ARHGAP8: variants seen among roughly 807,000 people sequenced by gnomAD.
ARHGAP8 encodes rho GTPase-activating protein 8.
ARHGAP8 carries 62 observed loss-of-function variants against 46.1 expected under a neutral mutation model. That is an observed-to-expected ratio of 1.34 (90% CI 1.10 to 1.66). ARHGAP8 has a LOEUF of 1.66. Ranked by LOEUF, ARHGAP8 falls within the 40% of genes most tolerant of loss-of-function variation. The probability of loss-of-function intolerance (pLI) is 0.00; values close to 1 mark genes in which losing one functional copy is unlikely to be tolerated. For missense variants in ARHGAP8, 923 were observed against 568.4 expected (o/e 1.62, Z -6.34); for synonymous variants, 375 against 243.1 (o/e 1.54, Z -5.05).
At chr22:44,765,853 T>G (rs1396661075) in intron 1 of ARHGAP8, 2 of 152,410 alleles carry the variant, frequency 1.3e-5, no homozygotes, top group Admixed American at 6.5e-5. Flanking sequence ...GTTTCTTTTC[T>G]CACTTTTCCA....
intron 1 of ARHGAP8, among the ~76,000 whole-genome samples, chr22:44,758,605 G>A (rs1376188709): frequency 6.6e-6 from 1 of 151,648 alleles, no homozygotes. Context: ...AGGGCTGTGC[G>A]TTCCAGGTAG....
chr22:44,852,078 C>G (rs2070107816), intron 10 of ARHGAP8, among the ~76,000 whole-genome samples: 1 of 150,268 alleles, frequency 6.7e-6, no homozygotes, highest in Non-Finnish European at 1.5e-5. Context: ...GTAATCCTAG[C>G]TACTCAGGAG....
chr22:44,845,979 G>C (rs975000636), intron 8 of ARHGAP8, among the ~76,000 whole-genome samples: 1 of 151,748 alleles, frequency 6.6e-6, no homozygotes, highest in Non-Finnish European at 1.5e-5. Context: ...GTGCTGCAGC[G>C]CAGATGCGTG....
At chr22:44,856,423 G>A (rs867206905) in intron 10 of ARHGAP8, among the ~76,000 whole-genome samples, 93 of 151,872 alleles carry the variant, frequency 6.1e-4, no homozygotes, top group Non-Finnish European at 2.1e-4. Flanking sequence ...ACAGGCACCC[G>A]CCACCACGCC....
At position 44,764,168 on chromosome 22, in the gene ARHGAP8, AAGAGTC is replaced by A. The variant is rs1410201643; in HGVS notation, c.-72+11552_-72+11557del. ...TTGCAGAGTTGTAAAACAACTCCCGAAGAGTCAGAGTCAGAGAACCTGGAGGAGCGT... is the reference window on the plus strand; with the variant it reads ...TTGCAGAGTTGTAAAACAACTCCCGAAGAGTCAGAGAACCTGGAGGAGCGT... On this transcript the variant is annotated intron_variant, in intron 1 of 11. Coordinates refer to ENST00000356099, the MANE Select transcript of ARHGAP8 (RefSeq NM_181335.3). 3.9e-5 allele frequency among the ~76,000 whole-genome samples: 6 copies of A among 152,244 alleles called. No homozygotes were observed. The East Asian group carries it at 1.2e-3, about 30-fold the overall frequency.
rs920346319 is a variant in ARHGAP8, at chr22:44,844,914, T to C, written c.597-355T>C. Among the ~76,000 whole-genome samples the C allele has an allele frequency of 2.6e-5, 4 of 152,178 alleles. No homozygotes were observed. The East Asian group carries it at 7.7e-4, about 29-fold the overall frequency. ...CAAGCCATCTCATACCACTGGGACT[T>C]CCCAGTATGGCTTCCCTGTCTAGAA... On this transcript the variant is annotated intron_variant, in intron 7 of 11. Coordinates refer to ENST00000356099, the MANE Select transcript of ARHGAP8 (RefSeq NM_181335.3).
At chr22:44,824,675 C>T (rs947222248) in intron 6 of ARHGAP8, among the ~76,000 whole-genome samples, 3 of 148,802 alleles carry the variant, frequency 2.0e-5, no homozygotes, top group Non-Finnish European at 3.0e-5. Context: ...CTCTATCGCC[C>T]AGGCTGGAGT....
chr22:44,861,933 G>C (rs1008549538), intron 11 of ARHGAP8, among the ~76,000 whole-genome samples: 1 of 152,154 alleles, frequency 6.6e-6, no homozygotes, highest in African/African-American at 2.4e-5. Context: ...CGAGGCCAGA[G>C]AGGTCACCAA....
rs952019559 is a variant in ARHGAP8, at chr22:44,862,157, C to A, written c.982-118C>A. On this transcript the variant is annotated intron_variant, in intron 11 of 11. Coordinates refer to ENST00000356099, the MANE Select transcript of ARHGAP8 (RefSeq NM_181335.3). Reference sequence around the variant, plus strand: ...CAGGGTCCCCATTACTGGCTGCCGGCTCCCAGTCCAGTGCTCCTCTCACTA... The same window carrying A: ...CAGGGTCCCCATTACTGGCTGCCGGATCCCAGTCCAGTGCTCCTCTCACTA... The A allele has an allele frequency of 2.1e-5, 27 of 1,259,048 alleles. No individual in the cohort carries two copies. In the African/African-American group the frequency reaches 2.8e-4, roughly 13 times the overall value. The allele number at this position is 1,259,048 out of a possible 1,614,324, so 78.0% of individuals were successfully genotyped here.
chr22:44,823,102 G>C (rs1170635084), intron 6 of ARHGAP8, among the ~76,000 whole-genome samples: 2 of 152,222 alleles, frequency 1.3e-5, no homozygotes, highest in East Asian at 3.9e-4. Context: ...GTACGTGCAG[G>C]GAAGGCTGGT....
At chr22:44,838,627 C>T (rs540191358) in intron 7 of ARHGAP8, among the ~76,000 whole-genome samples, 1 of 152,162 alleles carries the variant, frequency 6.6e-6, no homozygotes, top group Non-Finnish European at 1.5e-5. Context: ...GCAAAGGGGT[C>T]TTTCAGGAAC....
intron 3 of ARHGAP8, among the ~76,000 whole-genome samples, chr22:44,804,548 G>A (rs991112154): frequency 2.0e-5 from 3 of 152,218 alleles, no homozygotes; most frequent in Non-Finnish European, 4.4e-5. Context: ...ATGTGCCCTT[G>A]TGAGGACAGG....
chr22:44,838,154 T>G (rs1243910576), intron 7 of ARHGAP8, among the ~76,000 whole-genome samples: 1 of 151,364 alleles, frequency 6.6e-6, no homozygotes, highest in African/African-American at 2.4e-5. Flanking sequence ...TTTTTTTTTT[T>G]GAAGACGGAG....
At chr22:44,782,730 C>T (rs1041205518) in intron 1 of ARHGAP8, among the ~76,000 whole-genome samples, 1 of 152,188 alleles carries the variant, frequency 6.6e-6, no homozygotes, top group Non-Finnish European at 1.5e-5. Context: ...CGTGGCTTAT[C>T]CATCCATCCA....
Position 44,778,214 on chromosome 22 carries a change from T to C in ARHGAP8, c.-71-8243T>C, listed in dbSNP as rs4589871. 2.4e-3 allele frequency among the ~76,000 whole-genome samples: 369 copies of C among 152,078 alleles called. 3 individuals are homozygous for C. The East Asian group carries it at 0.047, about 19-fold the overall frequency. On this transcript the variant is annotated intron_variant, in intron 1 of 11. Coordinates refer to ENST00000356099, the MANE Select transcript of ARHGAP8 (RefSeq NM_181335.3). The stretch of plus-strand genomic sequence containing the variant: ...TTTCCCTCTAAGTCCCCAAAGTCCA[T>C]TGTGTTTTTCTTATGCCTTTGCATC...
chr22:44,832,515 C>T (rs1931016752), intron 7 of ARHGAP8, among the ~76,000 whole-genome samples: 1 of 152,120 alleles, frequency 6.6e-6, no homozygotes, highest in Non-Finnish European at 1.5e-5. Flanking sequence ...CATGAGCCAC[C>T]ACACCCGGTT....
intron 7 of ARHGAP8, among the ~76,000 whole-genome samples, chr22:44,838,535 A>G (rs1931442247): frequency 6.6e-6 from 1 of 152,098 alleles, no homozygotes; most frequent in Admixed American, 6.6e-5. Flanking sequence ...CGGCCTCCCA[A>G]AGTGCTAGGA....
chr22:44,847,851 CA>C (rs2069995094), intron 8 of ARHGAP8, 121 bp from the exon 9 acceptor site: 1 of 1,283,764 alleles, frequency 7.8e-7, no homozygotes, highest in Non-Finnish European at 1.1e-6. Context: ...ATTTGAGGAA[CA>C]AATAAATGTG....
chr22:44,777,844 C>T (rs545329306), intron 1 of ARHGAP8, among the ~76,000 whole-genome samples: 10 of 151,966 alleles, frequency 6.6e-5, no homozygotes, highest in East Asian at 5.8e-4. Flanking sequence ...TACAGGTGTC[C>T]GCCACCATGC....
Sources: gnomAD v4.1 joint callset for allele counts (sites outside exome capture counted in the v4.1 genomes callset) on GRCh38, gnomAD v4.1.1 for gene constraint, MANE v1.5 for transcripts, NCBI Gene and HGNC (gene_info 2026-07-23, HGNC 2026-07-21) for gene names.